Variants in FREM3 observed in about 807,000 individuals in gnomAD.
FREM3 encodes the protein FRAS1 related extracellular matrix 3.
A neutral mutation model predicts 129.1 loss-of-function variants in FREM3; 105 were observed. That is an observed-to-expected ratio of 0.81 (90% CI 0.69 to 0.96). The LOEUF (loss-of-function observed/expected upper bound fraction) is 0.96. Among genes scored for constraint, FREM3 ranks in the 40% least tolerant of loss-of-function variants. The probability of loss-of-function intolerance (pLI) is 0.00; values close to 1 mark genes in which losing one functional copy is unlikely to be tolerated. For missense variants in FREM3, 2,593 were observed against 2,666.3 expected (o/e 0.97, Z 0.61); for synonymous variants, 1,014 against 1,044.9 (o/e 0.97, Z 0.57).
At chr4:143,683,066 C>G (rs146141157) in intron 2 of FREM3, among the ~76,000 whole-genome samples, 1 of 152,192 alleles carries the variant, frequency 6.6e-6, no homozygotes, top group Non-Finnish European at 1.5e-5. Context: ...AATGGGCAGT[C>G]TATAGAAGCT....
chr4:143,662,899 T>A (rs933053688), intron 2 of FREM3, among the ~76,000 whole-genome samples: 1 of 152,100 alleles, frequency 6.6e-6, no homozygotes, highest in Non-Finnish European at 1.5e-5. Context: ...GAAACTAGGA[T>A]TGCAACCCCT....
chr4:143,642,598 G>T (rs1159181915), intron 2 of FREM3, among the ~76,000 whole-genome samples: 4 of 152,072 alleles, frequency 2.6e-5, no homozygotes, highest in African/African-American at 9.7e-5. Flanking sequence ...GAAGAATGAG[G>T]CTAGACCTCT....
At chr4:143,679,922 C>A (rs1046518839) in intron 2 of FREM3, among the ~76,000 whole-genome samples, 1 of 152,202 alleles carries the variant, frequency 6.6e-6, no homozygotes, top group South Asian at 2.1e-4. Flanking sequence ...GATTTTTGAA[C>A]CCATTACATT....
At position 143,698,681 on chromosome 4, in the gene FREM3, A is replaced by G. The variant is rs1740628960; in HGVS notation, c.1995T>C (p.Pro665=). 9.8e-6 allele frequency: 15 copies of G among 1,537,590 alleles called. No homozygotes were observed. The highest frequency in any genetic ancestry group is 1.3e-5 in the Non-Finnish European group (15 of 1,147,000). ...LFYRHLGPHS[P]QSVMVQLAFH... Reference sequence around the variant, plus strand: ...AAGCCAGCTGGACCATTACAGATTGAGGGCTGTGTGGTCCAAGATGGCGGT... The same window carrying G: ...AAGCCAGCTGGACCATTACAGATTGGGGGCTGTGTGGTCCAAGATGGCGGT... Residue 665 remains proline (P), a synonymous_variant, in exon 1 of 8, where the codon CCT becomes CCC. Transcript: ENST00000329798.
rs1578817109 is a variant in FREM3 at position 143,577,699 on chromosome 4, G to A, written c.6332C>T (p.Ala2111Val). Residue 2111 changes from alanine (A) to valine (V), a missense_variant, in exon 8 of 8, where the codon GCA becomes GTA. Ala to Val is a moderately conservative substitution (Grantham distance 64). Around this residue, in one of 2 missense-constraint regions of FREM3, gnomAD observed 317 missense variants for 399.0 expected, o/e 0.79. Coordinates refer to ENST00000329798, the MANE Select transcript of FREM3 (RefSeq NM_001168235.2). Reference sequence around the variant, plus strand: ...AGTTTTATTTGGTTCTCCAAGCACTGCACCCATAGGCATCTGAAGAAGTAA... The same window carrying A: ...AGTTTTATTTGGTTCTCCAAGCACTACACCCATAGGCATCTGAAGAAGTAA... ...FELLLQMPMG[A>V]VLGEPNKTTI... is the part of the protein sequence containing the mutation. The A allele has an allele frequency of 2.6e-6, 4 of 1,537,226 alleles. No individual in the cohort carries two copies. The highest frequency in any genetic ancestry group is 3.5e-6 in the Non-Finnish European group (4 of 1,146,868).
chr4:143,620,160 A>G (rs1463804965), intron 5 of FREM3, among the ~76,000 whole-genome samples: 5 of 152,116 alleles, frequency 3.3e-5, no homozygotes, highest in South Asian at 2.1e-4. Context: ...TTTAAGACCA[A>G]CCACAGAGAG....
chr4:143,591,480 C>T (rs1738361885), intron 6 of FREM3, among the ~76,000 whole-genome samples: 1 of 152,186 alleles, frequency 6.6e-6, no homozygotes, highest in Non-Finnish European at 1.5e-5. Flanking sequence ...TTCATTTCTG[C>T]CTTCATTTCG....
chr4:143,608,602 T>A (rs1457881851), intron 6 of FREM3, among the ~76,000 whole-genome samples: 1 of 152,192 alleles, frequency 6.6e-6, no homozygotes, highest in African/African-American at 2.4e-5. Flanking sequence ...TCATGTTTGC[T>A]TAAAAATTTC....
At chr4:143,620,510 G>C (rs930810674) in intron 5 of FREM3, among the ~76,000 whole-genome samples, 3 of 152,180 alleles carry the variant, frequency 2.0e-5, no homozygotes, top group African/African-American at 7.2e-5. Flanking sequence ...TGGCTGTATA[G>C]AAGTGGTCAA....
intron 2 of FREM3, among the ~76,000 whole-genome samples, chr4:143,657,756 G>C (rs1354588666): frequency 6.6e-6 from 1 of 151,984 alleles, no homozygotes; most frequent in Admixed American, 6.6e-5. Context: ...GCTAATTTTA[G>C]GTTAAAAAAG....
intron 3 of FREM3, 118 bp downstream of exon 3, chr4:143,627,496 A>G (rs1221491594): frequency 7.8e-6 from 7 of 895,152 alleles, no homozygotes; most frequent in Non-Finnish European, 1.2e-5. Context: ...ACACTTTTTT[A>G]GAGATTTCTC....
chr4:143,667,987 G>T (rs1213658854), intron 2 of FREM3, among the ~76,000 whole-genome samples: 3 of 152,114 alleles, frequency 2.0e-5, no homozygotes, highest in Non-Finnish European at 4.4e-5. Flanking sequence ...TATGACTATA[G>T]TCAGATATAA....
At chr4:143,615,485 G>A (rs900753061) in intron 5 of FREM3, among the ~76,000 whole-genome samples, 2 of 152,160 alleles carry the variant, frequency 1.3e-5, no homozygotes, top group Non-Finnish European at 2.9e-5. Flanking sequence ...TTGAAGGGTG[G>A]TGGGAGAACC....
intron 6 of FREM3, among the ~76,000 whole-genome samples, chr4:143,605,297 C>G (rs28533036): frequency 0.27 from 40,968 of 151,896 alleles, 6,294 homozygotes; most frequent in Non-Finnish European, 0.35. Context: ...GAATATGGCA[C>G]GGCTCAAGGG....
intron 6 of FREM3, among the ~76,000 whole-genome samples, chr4:143,605,771 C>G (rs1247271223): frequency 6.6e-6 from 1 of 152,086 alleles, no homozygotes; most frequent in African/African-American, 2.4e-5. Context: ...TACTGAGAGG[C>G]AAAAAATTTA....
intron 6 of FREM3, among the ~76,000 whole-genome samples, chr4:143,607,290 G>A (rs1389027497): frequency 2.0e-5 from 3 of 152,118 alleles, no homozygotes; most frequent in Admixed American, 2.0e-4. Flanking sequence ...TCCTCCAGCT[G>A]AAATGCTACT....
intron 2 of FREM3, among the ~76,000 whole-genome samples, chr4:143,689,674 A>G (rs997788530): frequency 6.6e-6 from 1 of 152,112 alleles, no homozygotes; most frequent in Non-Finnish European, 1.5e-5. Flanking sequence ...ACTGTGATAT[A>G]TATATATATG....
intron 6 of FREM3, among the ~76,000 whole-genome samples, chr4:143,608,809 A>T (rs990649408): frequency 6.6e-6 from 1 of 152,180 alleles, no homozygotes; most frequent in Admixed American, 6.5e-5. Flanking sequence ...TAGGCCTTGG[A>T]AAAATAAAAG....
intron 2 of FREM3, among the ~76,000 whole-genome samples, chr4:143,681,682 A>AATAACCAT (rs1279427451): frequency 2.0e-5 from 3 of 152,230 alleles, no homozygotes; most frequent in Admixed American, 6.5e-5. Flanking sequence ...TTGCCAGTTA[A>AATAACCAT]ACTCTATACA....
Sources: allele counts gnomAD v4.1 joint callset (sites outside exome capture counted in the v4.1 genomes callset), GRCh38; gene constraint gnomAD v4.1.1; regional missense constraint gnomAD v4.1.1; transcripts MANE v1.5; gene names NCBI Gene and HGNC (gene_info 2026-07-23, HGNC 2026-07-21).